LRBA: variants seen among roughly 807,000 people sequenced by gnomAD.
LRBA encodes the protein LPS responsive beige-like anchor protein.
In LRBA, 176 loss-of-function variants were observed where a neutral mutation model predicts 330.0. The ratio of observed to expected loss-of-function variants is 0.53; its 90% confidence interval spans 0.47 to 0.60. The LOEUF (loss-of-function observed/expected upper bound fraction) is 0.60. Among genes scored for constraint, LRBA ranks in the 20% least tolerant of loss-of-function variants. LRBA has a pLI of 0.00. For synonymous variants in LRBA, 1,230 were observed against 1,193.0 expected, an observed-to-expected ratio of 1.03 and a Z score of -0.64; for missense variants, 3,259 against 3,444.8, an observed-to-expected ratio of 0.95 and a Z score of 1.35.
At chr4:150,313,519 G>A (rs981174799) in intron 51 of LRBA, among the ~76,000 whole-genome samples, 1 of 152,130 alleles carries the variant, frequency 6.6e-6, no homozygotes, top group African/African-American at 2.4e-5. Flanking sequence ...TGTAAAGTCT[G>A]TTGACCAGTG....
At chr4:150,865,721 T>A (rs1313456591) in intron 22 of LRBA, among the ~76,000 whole-genome samples, 2 of 150,810 alleles carry the variant, frequency 1.3e-5, no homozygotes, top group Non-Finnish European at 3.0e-5. Flanking sequence ...TATATTCTTT[T>A]TTTTTTTTTT....
rs1368871254 is a variant in LRBA, at chr4:150,528,556, A to T, written c.6331-37521T>A. Among the ~76,000 whole-genome samples, 4 of 151,922 alleles carry T rather than the reference A, an allele frequency of 2.6e-5. No homozygotes were observed. The East Asian group carries it at 7.7e-4, about 29-fold the overall frequency. On this transcript the variant is annotated intron_variant, in intron 40 of 56. Coordinates refer to ENST00000651943, the MANE Select transcript of LRBA (RefSeq NM_001364905.1). The stretch of plus-strand genomic sequence containing the variant: ...TTTCCATAAAAGAAAGTCTATATAC[A>T]GTTTAAAGGTCTTAAGTTTTTTTAA...
At chr4:150,475,059 T>C (rs1756561592) in intron 42 of LRBA, among the ~76,000 whole-genome samples, 1 of 152,226 alleles carries the variant, frequency 6.6e-6, no homozygotes, top group Non-Finnish European at 1.5e-5. Context: ...TTCTCCTTTA[T>C]AAATACTGGT....
intron 28 of LRBA, among the ~76,000 whole-genome samples, chr4:150,838,052 C>T (rs1748436765): frequency 6.6e-6 from 1 of 152,134 alleles, no homozygotes; most frequent in Admixed American, 6.6e-5. Flanking sequence ...ACTTATGAAG[C>T]TTAGTTTGGC....
chr4:150,318,658 G>A (rs777589857), intron 50 of LRBA, among the ~76,000 whole-genome samples: 24 of 152,244 alleles, frequency 1.6e-4, no homozygotes, highest in Non-Finnish European at 3.2e-4. Flanking sequence ...AGCTCAAATT[G>A]GAGATCACAT....
In LRBA at chr4:150,844,664, T is replaced by A. The variant is rs763820747; in HGVS notation, c.4455A>T (p.Ala1485=). ...MHSLIPLGKS[A]AKSPVDIVTG... ...AATTAATCTGTATACTTACCTTCGCTGCAGATTTCCCTAAAGGAATAAGGC... is the reference window on the plus strand; with the variant it reads ...AATTAATCTGTATACTTACCTTCGCAGCAGATTTCCCTAAAGGAATAAGGC... Residue 1485 remains alanine, a synonymous_variant, in exon 27 of 57, where the codon GCA becomes GCT. Transcript: ENST00000651943. 4 of 1,611,974 alleles carry A rather than the reference T, an allele frequency of 2.5e-6. No individual in the cohort carries two copies. Among genetic ancestry groups the A allele is most frequent in the Middle Eastern group, 3.3e-4 (2 of 6,058 alleles).
At chr4:150,873,489 C>T (rs952857400) in intron 17 of LRBA, among the ~76,000 whole-genome samples, 2 of 151,888 alleles carry the variant, frequency 1.3e-5, no homozygotes, top group Non-Finnish European at 2.9e-5. Flanking sequence ...TCTCGGGAGG[C>T]TGAGGCAGGA....
chr4:150,307,743 T>C (rs1001204828), intron 52 of LRBA, among the ~76,000 whole-genome samples: 11 of 151,996 alleles, frequency 7.2e-5, no homozygotes, highest in African/African-American at 2.7e-4. Flanking sequence ...TCTCCAACTG[T>C]CTTCTTTAAA....
At chr4:150,436,890 A>T in intron 44 of LRBA, 26 bp from the exon 45 acceptor site, 1 of 1,606,664 alleles carries the variant, frequency 6.2e-7, no homozygotes, top group Non-Finnish European at 8.5e-7. Flanking sequence ...GAAAAAACAA[A>T]GAATACATCA....
rs778772882 is a variant in LRBA at position 150,590,715 on chromosome 4, G to A, written c.6191C>T (p.Ala2064Val). 9 of 1,612,838 alleles carry A rather than the reference G, an allele frequency of 5.6e-6. No homozygotes were observed. The highest frequency in any genetic ancestry group is 6.8e-6 in the Non-Finnish European group (8 of 1,179,630). Reference protein sequence around the residue: ...SVDEKDLENLAGPVSLSTPAQ... With the variant: ...SVDEKDLENLVGPVSLSTPAQ... ...ATCTGCACAACCACCAAATTTACCG[G>A]CAAGATTCTCTAAATCTTTCTCATC... The change falls in exon 39 of 57, where the codon GCC (alanine) becomes GTC (valine). Residue 2064 changes from alanine (A) to valine (V), a missense_variant and splice_region_variant. By Grantham distance (64) the Ala-to-Val change is moderately conservative. Transcript: ENST00000651943.
intron 2 of LRBA, among the ~76,000 whole-genome samples, chr4:150,953,000 C>T (rs968316290): frequency 1.3e-5 from 2 of 152,118 alleles, no homozygotes; most frequent in Admixed American, 6.6e-5. Flanking sequence ...CCTCTACTAC[C>T]TCCCCAACTG....
chr4:150,672,290 C>A (rs990137841), intron 37 of LRBA, among the ~76,000 whole-genome samples: 1 of 151,586 alleles, frequency 6.6e-6, no homozygotes, highest in African/African-American at 2.4e-5. Context: ...AGTTCAGAAC[C>A]AACACATCAG....
chr4:150,928,495 A>G (rs990488492), intron 4 of LRBA, 21 bp downstream of exon 4: 3 of 1,499,396 alleles, frequency 2.0e-6, no homozygotes, highest in Middle Eastern at 1.7e-4. Flanking sequence ...AAAATACCAA[A>G]GAGTACTTAA....
At chr4:150,450,225 C>CA (rs965246798) in intron 44 of LRBA, among the ~76,000 whole-genome samples, 1 of 151,998 alleles carries the variant, frequency 6.6e-6, no homozygotes, top group African/African-American at 2.4e-5. Flanking sequence ...ATTCTTTTAT[C>CA]AAAAAAATAA....
chr4:150,424,610 C>T (rs1012418195), intron 46 of LRBA, among the ~76,000 whole-genome samples: 2 of 151,290 alleles, frequency 1.3e-5, no homozygotes, highest in Non-Finnish European at 2.9e-5. Flanking sequence ...GCAGGGAGCA[C>T]GTGCGCGCGT....
rs1581927377 is a variant in LRBA, at chr4:150,651,792, G to T, written c.5921+31759C>A. On this transcript the variant is annotated intron_variant, in intron 37 of 56. Transcript: ENST00000651943. Reference sequence around the variant, plus strand: ...GAACAATAAGCCCATGCTACAAATGGTGTGAGTCATGAAACAGTGCCCACA... The same window carrying T: ...GAACAATAAGCCCATGCTACAAATGTTGTGAGTCATGAAACAGTGCCCACA... Among the ~76,000 whole-genome samples, 4 of 152,148 alleles carry T rather than the reference G, an allele frequency of 2.6e-5. No individual in the cohort carries two copies. In the South Asian group the frequency reaches 8.3e-4, roughly 32 times the overall value.
intron 47 of LRBA, among the ~76,000 whole-genome samples, chr4:150,362,564 A>T (rs1738873480): frequency 6.6e-6 from 1 of 152,136 alleles, no homozygotes; most frequent in Non-Finnish European, 1.5e-5. Context: ...GCTCCAATCC[A>T]CAGTCTCTGT....
intron 33 of LRBA, among the ~76,000 whole-genome samples, chr4:150,805,764 C>T (rs766106892): frequency 4.6e-5 from 7 of 151,840 alleles, no homozygotes; most frequent in Non-Finnish European, 1.0e-4. Flanking sequence ...ATCCCCTCAG[C>T]AACCTACCTC....
intron 37 of LRBA, among the ~76,000 whole-genome samples, chr4:150,642,810 T>A (rs1778803654): frequency 6.6e-6 from 1 of 151,880 alleles, no homozygotes; most frequent in Non-Finnish European, 1.5e-5. Flanking sequence ...ATGTTTTATA[T>A]AGCAAATGTT....
Sources: allele counts gnomAD v4.1 joint callset (sites outside exome capture counted in the v4.1 genomes callset), GRCh38; gene constraint gnomAD v4.1.1; transcripts MANE v1.5; gene names NCBI Gene and HGNC (gene_info 2026-07-23, HGNC 2026-07-21).